COG2: variants seen among roughly 807,000 people sequenced by gnomAD.
COG2 encodes conserved oligomeric Golgi complex subunit 2.
COG2 carries 52 observed loss-of-function variants against 90.6 expected under a neutral mutation model. The observed-to-expected ratio is 0.57, with a 90% CI of 0.46 to 0.72. COG2 has a LOEUF of 0.72. Ranked by LOEUF, COG2 falls within the 30% of genes least tolerant of loss-of-function variation. The probability of loss-of-function intolerance (pLI) is 0.00; values close to 1 mark genes in which losing one functional copy is unlikely to be tolerated. For synonymous variants in COG2, 337 were observed against 320.4 expected, an observed-to-expected ratio of 1.05 and a Z score of -0.55; for missense variants, 829 against 891.2, an observed-to-expected ratio of 0.93 and a Z score of 0.89.
At chr1:230,644,211 G>A (rs1020944889) in intron 1 of COG2, among the ~76,000 whole-genome samples, 1 of 152,202 alleles carries the variant, frequency 6.6e-6, no homozygotes, top group African/African-American at 2.4e-5. Flanking sequence ...TGCATATTTC[G>A]TGGCTCTGTG....
intron 17 of COG2, among the ~76,000 whole-genome samples, chr1:230,692,441 C>A (rs1279027821): frequency 1.3e-5 from 2 of 151,788 alleles, no homozygotes; most frequent in Non-Finnish European, 2.9e-5. Context: ...ACTGAAAATT[C>A]AACTTTTTTC....
At chr1:230,658,820 T>C (rs1662120780) in intron 1 of COG2, among the ~76,000 whole-genome samples, 1 of 152,232 alleles carries the variant, frequency 6.6e-6, no homozygotes, top group African/African-American at 2.4e-5. Context: ...CGCAAGCTCC[T>C]GAACATCTTG....
intron 15 of COG2, among the ~76,000 whole-genome samples, chr1:230,689,547 A>G (rs890939765): frequency 1.3e-5 from 2 of 152,232 alleles, no homozygotes; most frequent in Non-Finnish European, 2.9e-5. Context: ...CTGACCCTGT[A>G]TCCTTGCTTC....
chr1:230,675,252 C>A, intron 9 of COG2, 128 bp downstream of exon 9: 1 of 1,029,288 alleles, frequency 9.7e-7, no homozygotes, highest in Non-Finnish European at 1.3e-6. Context: ...GCTAAGTGAA[C>A]ATTTAACCTT....
At chr1:230,667,423 A>G (rs1662347465) in intron 5 of COG2, among the ~76,000 whole-genome samples, 1 of 152,070 alleles carries the variant, frequency 6.6e-6, no homozygotes, top group African/African-American at 2.4e-5. Context: ...ATTATATTAT[A>G]TTCAGTATGT....
intron 17 of COG2, 49 bp downstream of exon 17, chr1:230,691,613 G>C: frequency 6.4e-7 from 1 of 1,557,616 alleles, no homozygotes; most frequent in Non-Finnish European, 8.8e-7. Flanking sequence ...ACCAAATTCT[G>C]AGAGCCGGGC....
chr1:230,685,316 T>C lies in COG2; in HGVS notation c.1380+80T>C, dbSNP rs16852286. The C allele has an allele frequency of 0.054, 79,373 of 1,461,604 alleles. 2,439 individuals carry two copies. Among genetic ancestry groups the C allele is most frequent in the Non-Finnish European group, 0.065 (68,877 of 1,061,926 alleles). 90.5% of individuals were successfully genotyped at this position (1,461,604 alleles called of 1,614,324 possible). A position where few individuals can be genotyped will look rare whatever the true frequency, so the allele number is the denominator to read the frequency against. ...ATGTTAGGCTAACTCCCTAAGATTT[T>C]TGTAAATACCATGAGAGGTTAATTC... On this transcript the variant is annotated intron_variant, in intron 12 of 17. Transcript: ENST00000366669.
At chr1:230,668,453 C>T (rs534246137) in intron 5 of COG2, among the ~76,000 whole-genome samples, 27 of 152,184 alleles carry the variant, frequency 1.8e-4, no homozygotes, top group African/African-American at 5.3e-4. Context: ...ACAGATTCCC[C>T]GGTGCACTTA....
intron 1 of COG2, among the ~76,000 whole-genome samples, chr1:230,658,936 A>T (rs1181659195): frequency 6.6e-6 from 1 of 152,222 alleles, no homozygotes; most frequent in Admixed American, 6.5e-5. Context: ...AGTTTACATA[A>T]CAGCATGAAT....
rs773976666 is a variant in COG2 at position 230,668,692 on chromosome 1, C to T, written c.502C>T (p.Gln168Ter). ...CTCTACTAGCCCCCTTTTGACTGGA[C>T]AAATTTTGGAGAGAATTGCCACAGA... Reference protein sequence around the residue: ...LEASSPLLTGQILERIATEFN... With the variant: ...LEASSPLLTG Residue 168 changes from glutamine (Q) to a stop codon, truncating the protein, a stop_gained, in exon 6 of 18, where the codon CAA (glutamine) becomes TAA (stop). Transcript: ENST00000366669. LOFTEE classifies it high-confidence loss of function. 6.2e-7 allele frequency: 1 copy of T among 1,611,030 alleles called. No homozygotes were observed. Among genetic ancestry groups the T allele is most frequent in the South Asian group, 1.1e-5 (1 of 90,398 alleles).
chr1:230,644,400 G>T (rs560904982), intron 1 of COG2, among the ~76,000 whole-genome samples: 63 of 152,246 alleles, frequency 4.1e-4, no homozygotes, highest in African/African-American at 1.5e-3. Flanking sequence ...CACTTCCATG[G>T]CAGAAAGGAT....
rs1571967044 is a variant in COG2 at position 230,691,389 on chromosome 1, A to G, written c.1940A>G (p.Tyr647Cys). 1 of 1,611,774 alleles carries G rather than the reference A, an allele frequency of 6.2e-7. No homozygotes were observed. The highest frequency in any genetic ancestry group is 8.5e-7 in the Non-Finnish European group (1 of 1,179,042). ...GTLSESTHKY[Y>C]ETVSDVLNSV... Reference sequence around the variant, plus strand: ...AAACGTGTCTTCTATTCAAGGTACTATGAAACCGTGTCAGATGTATTAAAC... The same window carrying G: ...AAACGTGTCTTCTATTCAAGGTACTGTGAAACCGTGTCAGATGTATTAAAC... The change falls in exon 17 of 18, where the codon TAT becomes TGT. Residue 647 changes from tyrosine (Y) to cysteine (C), a missense_variant. Physicochemically the swap from Tyr to Cys is radical, Grantham distance 194 (BLOSUM62 -2). Transcript: ENST00000366669.
intron 17 of COG2, 54 bp from the exon 18 acceptor site, chr1:230,693,233 TCCCCC>T: frequency 1.0e-6 from 1 of 969,540 alleles, no homozygotes; most frequent in South Asian, 1.4e-5. Flanking sequence ...TTCTTTTTTT[TCCCCC>T]CCCATATTCA....
At chr1:230,684,865 G>A (rs987766088) in intron 11 of COG2, among the ~76,000 whole-genome samples, 2 of 152,178 alleles carry the variant, frequency 1.3e-5, no homozygotes, top group African/African-American at 2.4e-5. Flanking sequence ...CTGGGAGATA[G>A]TGTCATGTAA....
chr1:230,668,246 TAAG>T (rs1473727420), intron 5 of COG2, among the ~76,000 whole-genome samples: 3 of 149,236 alleles, frequency 2.0e-5, no homozygotes, highest in Non-Finnish European at 4.5e-5. Flanking sequence ...AAAGAAAAGA[TAAG>T]GAGGGAGAAG....
At position 230,669,517 on chromosome 1, in the gene COG2, G is replaced by A; in HGVS notation, c.756G>A (p.Val252=). 6.2e-7 allele frequency: 1 copy of A among 1,613,900 alleles called. No individual in the cohort carries two copies. Among genetic ancestry groups the A allele is most frequent in the Non-Finnish European group, 8.5e-7 (1 of 1,179,910 alleles). Residue 252 remains valine (V), a synonymous_variant, in exon 7 of 18, where the codon GTG becomes GTA. Transcript: ENST00000366669. ...AGGCCTTAGTTGGCCAAGTACTAGT[G>A]AAACCATACATAGACGAGGTCTGTG... is the stretch of plus-strand genomic sequence containing the variant. ...DAEALVGQVL[V]KPYIDEVIIE...
chr1:230,656,372 G>C (rs1192110088), intron 1 of COG2, among the ~76,000 whole-genome samples: 2 of 151,820 alleles, frequency 1.3e-5, no homozygotes, highest in Non-Finnish European at 2.9e-5. Context: ...TTACCCAGTA[G>C]TCATTCAGGA....
intron 11 of COG2, 136 bp from the exon 12 acceptor site, chr1:230,684,949 C>CT (rs1312400359): frequency 2.0e-6 from 2 of 1,014,254 alleles, no homozygotes; most frequent in African/African-American, 3.2e-5. Context: ...CCTCCAACAG[C>CT]TTTGCTGACC....
chr1:230,668,064 A>T (rs902984765), intron 5 of COG2, among the ~76,000 whole-genome samples: 1 of 152,170 alleles, frequency 6.6e-6, no homozygotes, highest in Non-Finnish European at 1.5e-5. Flanking sequence ...TTACTATTTA[A>T]ATTTAAAATA....
Sources: allele counts gnomAD v4.1 joint callset (sites outside exome capture counted in the v4.1 genomes callset), GRCh38; gene constraint gnomAD v4.1.1; transcripts MANE v1.5; gene names NCBI Gene and HGNC (gene_info 2026-07-23, HGNC 2026-07-21).